Variants in GPC6 observed in about 807,000 individuals in gnomAD.
GPC6 encodes the protein glypican-6.
GPC6 carries 14 observed loss-of-function variants against 55.2 expected under a neutral mutation model. The ratio of observed to expected loss-of-function variants is 0.25; its 90% CI spans 0.17 to 0.40. The LOEUF (loss-of-function observed/expected upper bound fraction) is 0.40, where lower values mean the gene tolerates loss of function less well. Ranked by LOEUF, GPC6 falls within the 10% of genes least tolerant of loss-of-function variation. The probability of loss-of-function intolerance (pLI) is 1.00; values close to 1 mark genes in which losing one functional copy is unlikely to be tolerated. For missense variants in GPC6, 641 were observed against 708.5 expected (o/e 0.90, Z 1.08); for synonymous variants, 278 against 259.6 (o/e 1.07, Z -0.68).
chr13:93,551,132 A>C (rs1356136226), intron 2 of GPC6, among the ~76,000 whole-genome samples: 1 of 152,196 alleles, frequency 6.6e-6, no homozygotes, highest in Non-Finnish European at 1.5e-5. Flanking sequence ...GGACGAGACA[A>C]AATGAATCAA....
At chr13:93,812,152 G>C (rs1423161312) in intron 2 of GPC6, among the ~76,000 whole-genome samples, 8 of 137,930 alleles carry the variant, frequency 5.8e-5, no homozygotes, top group Non-Finnish European at 1.1e-4. Flanking sequence ...TGGGGGGGGG[G>C]GCGGGGGGTG....
At chr13:93,603,034 A>G (rs1333871728) in intron 2 of GPC6, among the ~76,000 whole-genome samples, 1 of 150,986 alleles carries the variant, frequency 6.6e-6, no homozygotes, top group Non-Finnish European at 1.5e-5. Context: ...TTTTGAGACA[A>G]GTTCTCCATA....
intron 1 of GPC6, among the ~76,000 whole-genome samples, chr13:93,324,997 A>T (rs1474779745): frequency 1.3e-5 from 2 of 152,154 alleles, no homozygotes; most frequent in Admixed American, 6.5e-5. Context: ...TTTGCCTGGA[A>T]AAAACGAAAA....
chr13:93,859,485 A>T (rs1888737571), intron 3 of GPC6, among the ~76,000 whole-genome samples: 1 of 151,680 alleles, frequency 6.6e-6, no homozygotes, highest in Non-Finnish European at 1.5e-5. Flanking sequence ...AGAAAGGAAT[A>T]TTTGGGTTTA....
At chr13:93,802,947 G>A (rs569876464) in intron 2 of GPC6, among the ~76,000 whole-genome samples, 5 of 152,176 alleles carry the variant, frequency 3.3e-5, no homozygotes, top group East Asian at 1.9e-4. Context: ...TAGTATTCAT[G>A]TATCCACAGT....
At chr13:93,908,005 G>GA (rs1876765067) in intron 3 of GPC6, among the ~76,000 whole-genome samples, 1 of 151,828 alleles carries the variant, frequency 6.6e-6, no homozygotes. Flanking sequence ...CTGCCTTACA[G>GA]AAAAAACAAA....
At chr13:94,162,649 C>A (rs1474728145) in intron 4 of GPC6, among the ~76,000 whole-genome samples, 1 of 152,050 alleles carries the variant, frequency 6.6e-6, no homozygotes, top group Non-Finnish European at 1.5e-5. Context: ...TTTTTAGTTT[C>A]TCTTTTTAGT....
At chr13:93,597,612 C>CTCT (rs891452311) in intron 2 of GPC6, among the ~76,000 whole-genome samples, 8 of 152,184 alleles carry the variant, frequency 5.3e-5, no homozygotes, top group African/African-American at 1.9e-4. Flanking sequence ...GACCAACCCC[C>CTCT]TCTTCTTGCC....
At chr13:93,959,049 T>G (rs989559194) in intron 3 of GPC6, among the ~76,000 whole-genome samples, 12 of 152,220 alleles carry the variant, frequency 7.9e-5, no homozygotes, top group African/African-American at 2.4e-4. Context: ...TTACTGAAAT[T>G]ATTTATCAGT....
chr13:93,639,933 G>T (rs1879843149), intron 2 of GPC6, among the ~76,000 whole-genome samples: 1 of 152,010 alleles, frequency 6.6e-6, no homozygotes, highest in Admixed American at 6.6e-5. Flanking sequence ...ATCACCAATA[G>T]AATTCACATA....
intron 1 of GPC6, among the ~76,000 whole-genome samples, chr13:93,495,720 G>A (rs9584121): frequency 0.031 from 3,996 of 127,526 alleles, 429 homozygotes; most frequent in African/African-American, 0.11. Flanking sequence ...TGTCCTTTCT[G>A]TTTGTTAGTA....
intron 6 of GPC6, among the ~76,000 whole-genome samples, chr13:94,362,601 G>A (rs777040673): frequency 6.6e-6 from 1 of 152,126 alleles, no homozygotes; most frequent in Non-Finnish European, 1.5e-5. Context: ...TATAATGAAG[G>A]TGGCCTCTAA....
At chr13:93,980,434 A>T (rs141438119) in intron 3 of GPC6, among the ~76,000 whole-genome samples, 3 of 152,294 alleles carry the variant, frequency 2.0e-5, no homozygotes, top group Non-Finnish European at 4.4e-5. Flanking sequence ...TTAACAGCTT[A>T]GGACTTCCTA....
chr13:94,293,283 G>A (rs994657257), intron 5 of GPC6, among the ~76,000 whole-genome samples: 5 of 152,158 alleles, frequency 3.3e-5, no homozygotes, highest in East Asian at 1.9e-4. Flanking sequence ...ATCCCCACAT[G>A]TCAAGGGAGG....
chr13:93,538,939 T>A (rs533651814), intron 1 of GPC6, among the ~76,000 whole-genome samples: 67 of 152,072 alleles, frequency 4.4e-4, no homozygotes, highest in African/African-American at 5.5e-4. Flanking sequence ...TTTTTTTTTT[T>A]TTATTATACT....
intron 3 of GPC6, among the ~76,000 whole-genome samples, chr13:93,921,128 C>T (rs1056899175): frequency 3.3e-5 from 5 of 152,196 alleles, no homozygotes; most frequent in African/African-American, 1.2e-4. Context: ...TCACTCTAGG[C>T]ATGCTGAAAC....
At chr13:93,908,543 T>A (rs1876793416) in intron 3 of GPC6, among the ~76,000 whole-genome samples, 1 of 152,198 alleles carries the variant, frequency 6.6e-6, no homozygotes, top group Non-Finnish European at 1.5e-5. Flanking sequence ...GTGTTTGCAG[T>A]AATACAACAA....
intron 4 of GPC6, among the ~76,000 whole-genome samples, chr13:94,093,582 G>A (rs1346793808): frequency 6.6e-6 from 1 of 152,020 alleles, no homozygotes; most frequent in African/African-American, 2.4e-5. Flanking sequence ...TAGCTATAGT[G>A]AGTCTTTTGT....
rs1473789122 is a variant in GPC6, at chr13:94,148,532, G to A, written c.877+120638G>A. Among the ~76,000 whole-genome samples, 4 of 152,132 alleles carry A rather than the reference G, an allele frequency of 2.6e-5. No individual in the cohort carries two copies. The East Asian group carries it at 5.8e-4, about 22-fold the overall frequency. ...ATAAGATATTATTTTGCAAGTCAAA[G>A]ACAACTGCAATTTAATTTAACTGAC... On this transcript the variant is annotated intron_variant, in intron 4 of 8. Coordinates refer to ENST00000377047, the MANE Select transcript of GPC6 (RefSeq NM_005708.5).
Sources: gnomAD v4.1 joint callset for allele counts (sites outside exome capture counted in the v4.1 genomes callset) on GRCh38, gnomAD v4.1.1 for gene constraint, MANE v1.5 for transcripts, NCBI Gene and HGNC (gene_info 2026-07-23, HGNC 2026-07-21) for gene names.